ATP11B: variants seen among roughly 807,000 people sequenced by gnomAD.
ATP11B encodes the protein phospholipid-transporting ATPase IF.
A neutral mutation model predicts 157.8 loss-of-function variants in ATP11B; 81 were observed. That is an observed-to-expected ratio of 0.51 (90% CI 0.43 to 0.62). The LOEUF (loss-of-function observed/expected upper bound fraction) is 0.62, where lower values mean the gene tolerates loss of function less well. Among genes scored for constraint, ATP11B ranks in the 20% least tolerant of loss-of-function variants. ATP11B has a pLI of 0.00. For missense variants in ATP11B, 1,165 were observed against 1,402.2 expected (o/e 0.83, Z 2.70); for synonymous variants, 451 against 469.4 (o/e 0.96, Z 0.51).
intron 9 of ATP11B, among the ~76,000 whole-genome samples, chr3:182,847,541 A>G (rs1719630987): frequency 6.6e-6 from 1 of 152,116 alleles, no homozygotes; most frequent in African/African-American, 2.4e-5. Flanking sequence ...TATAATCTCT[A>G]TTTGAGTTAT....
In ATP11B at chr3:182,884,786, G is replaced by C; in HGVS notation, c.2543G>C (p.Arg848Thr). Residue 848 changes from arginine (R) to threonine (T), a missense_variant, in exon 22 of 30, where the codon AGA becomes ACA. Transcript: ENST00000323116. ...IMGKEGRQAA[R>T]NSDYAIARFK... ...GGTAAAGAAGGAAGACAGGCTGCAAGAAACAGTGACTATGCAATAGCCAGA... is the reference window on the plus strand; with the variant it reads ...GGTAAAGAAGGAAGACAGGCTGCAACAAACAGTGACTATGCAATAGCCAGA... 6.3e-7 allele frequency: 1 copy of C among 1,598,244 alleles called. No homozygotes were observed. The highest frequency in any genetic ancestry group is 8.5e-7 in the Non-Finnish European group (1 of 1,175,516).
At chr3:182,843,281 G>C (rs924933789) in intron 8 of ATP11B, among the ~76,000 whole-genome samples, 45 of 152,176 alleles carry the variant, frequency 3.0e-4, no homozygotes, top group African/African-American at 1.1e-3. Context: ...CCCATGAAAT[G>C]ATATCAGAAT....
intron 24 of ATP11B, 140 bp downstream of exon 24, chr3:182,887,853 A>AG: frequency 1.1e-6 from 1 of 926,152 alleles, no homozygotes; most frequent in Non-Finnish European, 1.6e-6. Context: ...TGAATATCAG[A>AG]GAAAAAAAGG....
chr3:182,916,096 A>G (rs986921684), intron 29 of ATP11B: 1 of 985,404 alleles, frequency 1.0e-6, no homozygotes, highest in Non-Finnish European at 1.2e-6. Flanking sequence ...TTCAAGGGCT[A>G]TGTGAAAATT....
Position 182,873,875 on chromosome 3 carries a change from A to G in ATP11B, c.2112A>G (p.Val704=), listed in dbSNP as rs985760562. 1.9e-6 allele frequency: 3 copies of G among 1,614,030 alleles called. No individual in the cohort carries two copies. Among genetic ancestry groups the G allele is most frequent in the Admixed American group, 1.7e-5 (1 of 60,006 alleles). ...GAATGGCTGGTATCAAAGTATGGGT[A>G]CTTACTGGGGATAAACATGAAACAG... The part of the protein sequence containing the change: ...ALRMAGIKVW[V]LTGDKHETAV... Residue 704 remains valine, a synonymous_variant, in exon 19 of 30, where the codon GTA becomes GTG. Transcript: ENST00000323116.
At chr3:182,854,777 A>G (rs1352730644) in intron 10 of ATP11B, among the ~76,000 whole-genome samples, 1 of 150,974 alleles carries the variant, frequency 6.6e-6, no homozygotes, top group Non-Finnish European at 1.5e-5. Context: ...ACACACACAC[A>G]CACACACACA....
chr3:182,860,349 T>C (rs928319866), intron 12 of ATP11B, among the ~76,000 whole-genome samples: 12 of 152,246 alleles, frequency 7.9e-5, no homozygotes, highest in Non-Finnish European at 2.9e-5. Flanking sequence ...GTGTTGCTGT[T>C]AGAGAAATCC....
At chr3:182,798,428 G>A (rs889804927) in intron 1 of ATP11B, among the ~76,000 whole-genome samples, 1 of 152,150 alleles carries the variant, frequency 6.6e-6, no homozygotes, top group Non-Finnish European at 1.5e-5. Flanking sequence ...GCCTAGGGTG[G>A]TATTTTTTTT....
rs537245642 is a variant in ATP11B at position 182,845,297 on chromosome 3, A to T, written c.705-161A>T. Among the ~76,000 whole-genome samples the T allele has an allele frequency of 3.3e-3, 501 of 152,172 alleles. 6 individuals carry two copies. Among genetic ancestry groups the T allele is most frequent in the African/African-American group, 0.012 (483 of 41,546 alleles). Reference sequence around the variant, plus strand: ...GCTAGCATTACAGGCGTTAGCCACCACGCCCGGCCCCTGGGCAGCTTTATA... The same window carrying T: ...GCTAGCATTACAGGCGTTAGCCACCTCGCCCGGCCCCTGGGCAGCTTTATA... On this transcript the variant is annotated intron_variant, in intron 8 of 29. Coordinates refer to ENST00000323116, the MANE Select transcript of ATP11B (RefSeq NM_014616.3).
Position 182,869,221 on chromosome 3 carries a change from T to C in ATP11B, c.1763-7T>C, listed in dbSNP as rs1201656524. 3 of 1,602,900 alleles carry C rather than the reference T, an allele frequency of 1.9e-6. No individual in the cohort carries two copies. Among genetic ancestry groups the C allele is most frequent in the Non-Finnish European group, 2.6e-6 (3 of 1,173,002 alleles). ...AGAGTCTGATAACTCATTTTTTTTG[T>C]CTCTAGGTGAGAAGTTATTATTTGC... On this transcript the variant is annotated splice_region_variant and splice_polypyrimidine_tract_variant and intron_variant, in intron 16 of 29. Coordinates refer to ENST00000323116, the MANE Select transcript of ATP11B (RefSeq NM_014616.3).
intron 4 of ATP11B, among the ~76,000 whole-genome samples, chr3:182,832,473 G>A (rs1422054595): frequency 6.6e-6 from 1 of 152,094 alleles, no homozygotes; most frequent in Non-Finnish European, 1.5e-5. Flanking sequence ...ATATTGTTCA[G>A]ATTTATGTAT....
chr3:182,881,008 T>A (rs940389476), intron 21 of ATP11B, 27 bp downstream of exon 21: 2 of 1,507,376 alleles, frequency 1.3e-6, no homozygotes, highest in Non-Finnish European at 1.8e-6. Context: ...GAAAAGTTTT[T>A]CCTGAACTTT....
intron 17 of ATP11B, among the ~76,000 whole-genome samples, chr3:182,869,985 A>G (rs1476470113): frequency 1.3e-5 from 2 of 152,200 alleles, no homozygotes; most frequent in African/African-American, 4.8e-5. Flanking sequence ...GAGTGTGCTG[A>G]GTGAAAGAGG....
At chr3:182,820,060 C>T (rs563139955) in intron 1 of ATP11B, among the ~76,000 whole-genome samples, 200 bp from the exon 2 acceptor site, 38 of 152,052 alleles carry the variant, frequency 2.5e-4, no homozygotes. Context: ...AAGTTTCTAT[C>T]TGGAGATAAT....
chr3:182,917,512 G>C, intron 29 of ATP11B: 2 of 985,318 alleles, frequency 2.0e-6, no homozygotes. Context: ...AGGTGTCTTT[G>C]ATGCCTTTTG....
intron 1 of ATP11B, among the ~76,000 whole-genome samples, chr3:182,805,777 G>T (rs1192936549): frequency 1.3e-5 from 2 of 151,532 alleles, no homozygotes; most frequent in East Asian, 1.9e-4. Context: ...TTTTAATTGG[G>T]TTATTTCTTG....
Position 182,916,197 on chromosome 3 carries a change from A to C in ATP11B, c.3453-1826A>C, listed in dbSNP as rs144113880. The C allele has an allele frequency of 1.9e-5, 19 of 985,278 alleles. No individual in the cohort carries two copies. The Admixed American group carries it at 1.2e-3, about 61-fold the overall frequency. The allele number at this position is 985,278 out of a possible 1,614,324, so 61.0% of individuals were successfully genotyped here. ...TGTTTACATATAATTGTATTTGTGA[A>C]ATGTGTTGGGCATTTCCATTGTGAC... is the stretch of plus-strand genomic sequence containing the variant. On this transcript the variant is annotated intron_variant, in intron 29 of 29. Transcript: ENST00000323116.
intron 15 of ATP11B, among the ~76,000 whole-genome samples, chr3:182,867,830 C>T (rs532827259): frequency 1.3e-5 from 2 of 152,242 alleles, no homozygotes; most frequent in African/African-American, 4.8e-5. Flanking sequence ...CTTGGCCTCC[C>T]AAAATGCAGG....
In ATP11B at chr3:182,896,741, C is replaced by G. The variant is rs1401347533; in HGVS notation, c.3024C>G (p.Val1008=). 5.6e-6 allele frequency: 9 copies of G among 1,613,006 alleles called. No individual in the cohort carries two copies. The highest frequency in any genetic ancestry group is 7.6e-6 in the Non-Finnish European group (9 of 1,179,364). Reference sequence around the variant, plus strand: ...CATTTGGCACTTTGGTCTTCACAGTCATGGTTATTACAGTCACAGTAAAGG... The same window carrying G: ...CATTTGGCACTTTGGTCTTCACAGTGATGGTTATTACAGTCACAGTAAAGG... ...NWTFGTLVFT[V]MVITVTVKMA... The change falls in exon 26 of 30, where the codon GTC becomes GTG. Residue 1008 remains valine (V), a synonymous_variant. Transcript: ENST00000323116.
Sources: gnomAD v4.1 joint callset for allele counts (sites outside exome capture counted in the v4.1 genomes callset) on GRCh38, gnomAD v4.1.1 for gene constraint, MANE v1.5 for transcripts, NCBI Gene and HGNC (gene_info 2026-07-23, HGNC 2026-07-21) for gene names.